Variants in ITPK1 observed in about 807,000 individuals in gnomAD.
ITPK1 encodes inositol 1,3,4-trisphosphate 5/6-kinase.
Under a neutral mutation model 45.3 loss-of-function variants are expected in ITPK1, and 21 were observed. The ratio of observed to expected loss-of-function variants is 0.46; its 90% confidence interval spans 0.33 to 0.67. The LOEUF is 0.67. ITPK1 is among the 30% of genes least tolerant of loss of function. ITPK1 has a pLI of 0.02. For missense variants in ITPK1, 474 were observed against 573.5 expected (o/e 0.83, Z 1.77); for synonymous variants, 258 against 253.6 (o/e 1.02, Z -0.16).
rs565529582 is a variant in ITPK1 at position 93,048,677 on chromosome 14, G to A, written c.120+27918C>T. Among the ~76,000 whole-genome samples, 8 of 152,318 alleles carry A rather than the reference G, an allele frequency of 5.3e-5. No homozygotes were observed. In the East Asian group the frequency reaches 5.8e-4, roughly 11 times the overall value. ...GAAACACTCTTTCCCAGCTGGGCGC[G>A]GTGGCTCACGCCTGTAATCCCAGCA... On this transcript the variant is annotated intron_variant, in intron 3 of 10. Transcript: ENST00000267615.
At chr14:93,088,411 C>T (rs1267004767) in intron 2 of ITPK1, among the ~76,000 whole-genome samples, 1 of 146,808 alleles carries the variant, frequency 6.8e-6, no homozygotes, top group Non-Finnish European at 1.5e-5. Context: ...ACGATTTCGG[C>T]TCATTGCAGC....
Position 92,941,864 on chromosome 14 carries a change from G to A in ITPK1, c.942C>T (p.Asn314=). ...GVSEFFTDLL[N]HIATVLQGQS... is the part of the protein sequence containing the mutation. ...GGCCCTGCAGGACAGTGGCGATGTG[G>A]TTCAGGAGGTCTGTGAAGAACTCGC... is the stretch of plus-strand genomic sequence containing the variant. The change falls in exon 11 of 11, where the codon AAC becomes AAT. Residue 314 remains asparagine, a synonymous_variant. Coordinates refer to ENST00000267615, the MANE Select transcript of ITPK1 (RefSeq NM_014216.6). 9 of 1,612,726 alleles carry A rather than the reference G, an allele frequency of 5.6e-6. No individual in the cohort carries two copies. The highest frequency in any genetic ancestry group is 7.6e-6 in the Non-Finnish European group (9 of 1,179,960).
At chr14:93,026,017 T>C (rs1423002049) in intron 3 of ITPK1, among the ~76,000 whole-genome samples, 1 of 152,100 alleles carries the variant, frequency 6.6e-6, no homozygotes, top group Non-Finnish European at 1.5e-5. Context: ...ACGCCTGTCA[T>C]CCCAGCTACT....
intron 3 of ITPK1, among the ~76,000 whole-genome samples, chr14:93,024,832 C>T (rs930578905): frequency 1.3e-5 from 2 of 152,154 alleles, no homozygotes; most frequent in Non-Finnish European, 2.9e-5. Context: ...CCTGTGGCTC[C>T]GGGACACAGG....
chr14:93,087,400 G>A (rs545330809), intron 2 of ITPK1, among the ~76,000 whole-genome samples: 2 of 152,226 alleles, frequency 1.3e-5, no homozygotes, highest in Non-Finnish European at 2.9e-5. Flanking sequence ...TATAATCCCA[G>A]CTACTTGGGA....
intron 5 of ITPK1, among the ~76,000 whole-genome samples, chr14:92,980,315 G>A (rs1039044447): frequency 6.6e-6 from 1 of 152,172 alleles, no homozygotes; most frequent in African/African-American, 2.4e-5. Context: ...TGAGGCAGCC[G>A]AGTGAACTCC....
At chr14:93,004,003 G>A (rs942675027) in intron 4 of ITPK1, among the ~76,000 whole-genome samples, 1 of 152,158 alleles carries the variant, frequency 6.6e-6, no homozygotes, top group Non-Finnish European at 1.5e-5. Flanking sequence ...GTGATGTGAC[G>A]AACAAACCAA....
In ITPK1 at chr14:92,973,014, C is replaced by T. The variant is rs111921285; in HGVS notation, c.365-10165G>A. ...GCCTCACTTGGCAACACCTGCTCTT[C>T]CAAGCATCACAGAATCCCAGCTGTT... On this transcript the variant is annotated intron_variant, in intron 5 of 10. Transcript: ENST00000267615. 2.1e-3 allele frequency among the ~76,000 whole-genome samples: 314 copies of T among 152,328 alleles called. 1 individual carries two copies. The highest frequency in any genetic ancestry group is 7.0e-3 in the African/African-American group (291 of 41,574).
intron 3 of ITPK1, among the ~76,000 whole-genome samples, chr14:93,057,580 C>T (rs1255851180): frequency 6.6e-6 from 1 of 152,174 alleles, no homozygotes; most frequent in African/African-American, 2.4e-5. Flanking sequence ...TTTTCTAGCC[C>T]CGTTTTCTGA....
At chr14:93,043,709 G>C (rs1889660923) in intron 3 of ITPK1, among the ~76,000 whole-genome samples, 1 of 152,214 alleles carries the variant, frequency 6.6e-6, no homozygotes, top group Non-Finnish European at 1.5e-5. Context: ...CCCAAGGCTG[G>C]GGGTGGTGTC....
rs111390059 is a variant in ITPK1, at chr14:93,007,110, A to G, written c.246+9566T>C. ...CATCTGGCCCACTGTCACAGCTACC[A>G]GCTGAACAACAGGAGGGCAAGAAAG... On this transcript the variant is annotated intron_variant, in intron 4 of 10. Transcript: ENST00000267615. Among the ~76,000 whole-genome samples the G allele has an allele frequency of 3.3e-3, 504 of 152,322 alleles. 3 individuals are homozygous for G. The highest frequency in any genetic ancestry group is 0.012 in the African/African-American group (481 of 41,572).
chr14:93,052,649 A>G (rs980023466), intron 3 of ITPK1, among the ~76,000 whole-genome samples: 4 of 152,080 alleles, frequency 2.6e-5, no homozygotes, highest in Admixed American at 1.3e-4. Flanking sequence ...TTCGCCCCCA[A>G]GCCTCACCGG....
At chr14:93,025,741 G>T (rs1888703108) in intron 3 of ITPK1, among the ~76,000 whole-genome samples, 1 of 152,048 alleles carries the variant, frequency 6.6e-6, no homozygotes, top group Admixed American at 6.5e-5. Context: ...TTCATGATAA[G>T]CTTAATACCA....
At position 93,076,581 on chromosome 14, in the gene ITPK1, C is replaced by A. The variant is rs774045015; in HGVS notation, c.120+14G>T. The A allele has an allele frequency of 6.2e-7, 1 of 1,614,058 alleles. No individual in the cohort carries two copies. Among genetic ancestry groups the A allele is most frequent in the South Asian group, 1.1e-5 (1 of 91,080 alleles). On this transcript the variant is annotated intron_variant, in intron 3 of 10. Transcript: ENST00000267615. The surrounding 1 kb of genome is among the most constrained non-coding windows in gnomAD (Gnocchi z 4.3). ...CACTACCCAAAGAACCACGGGGACG[C>A]GGTCTGTACTCACCTGCACAACCTC...
chr14:93,064,192 A>C lies in ITPK1; in HGVS notation c.120+12403T>G, dbSNP rs1040258053. 3.3e-5 allele frequency among the ~76,000 whole-genome samples: 5 copies of C among 152,228 alleles called. No homozygotes were observed. The East Asian group carries it at 7.7e-4, about 23-fold the overall frequency. On this transcript the variant is annotated intron_variant, in intron 3 of 10. Transcript: ENST00000267615. ...CAGCTACTTGGGAGGCTGAGGCAGA[A>C]GAATGGCGTGAACGTGGGAGGCAGA... is the stretch of plus-strand genomic sequence containing the variant.
At chr14:93,040,153 G>A (rs1889499332) in intron 3 of ITPK1, among the ~76,000 whole-genome samples, 1 of 152,226 alleles carries the variant, frequency 6.6e-6, no homozygotes, top group Non-Finnish European at 1.5e-5. Flanking sequence ...CGTCTGGCAG[G>A]CTCTTTATGC....
At position 93,076,722 on chromosome 14, in the gene ITPK1, T is replaced by G. The variant is rs1891236856; in HGVS notation, c.96-103A>C. ...CTGAGGGCAGGACCATGAGAGGGTT[T>G]CAGGAGGGAGCCGGCAGCTGCGCCT... is the stretch of plus-strand genomic sequence containing the variant. On this transcript the variant is annotated intron_variant, in intron 2 of 10. Transcript: ENST00000267615. The surrounding 1 kb of genome is among the most constrained non-coding windows in gnomAD (Gnocchi z 4.3). 7.1e-7 allele frequency: 1 copy of G among 1,409,330 alleles called. No homozygotes were observed. The highest frequency in any genetic ancestry group is 1.4e-5 in the African/African-American group (1 of 70,654). 87.3% of individuals were successfully genotyped at this position (1,409,330 alleles called of 1,614,324 possible).
intron 5 of ITPK1, among the ~76,000 whole-genome samples, chr14:92,964,313 G>T (rs932413555): frequency 1.3e-5 from 2 of 151,520 alleles, no homozygotes; most frequent in African/African-American, 4.8e-5. Flanking sequence ...CCAGAAACAG[G>T]CCCCAAGGTC....
rs754703868 is a variant in ITPK1, at chr14:93,115,107, G to T, written c.57C>A (p.Ile19=). The T allele has an allele frequency of 5.0e-6, 8 of 1,602,476 alleles. No homozygotes were observed. The highest frequency in any genetic ancestry group is 6.8e-6 in the Non-Finnish European group (8 of 1,175,730). The change falls in exon 2 of 11, where the codon ATC becomes ATA. Residue 19 remains isoleucine (I), a synonymous_variant. Coordinates refer to ENST00000267615, the MANE Select transcript of ITPK1 (RefSeq NM_014216.6). ...RVGYWLSEKK[I]KKLNFQAFAE... ...CGAAGGCCTGGAAATTCAGCTTCTT[G>T]ATTTTCTTCTCGCTCAGCCAGTAGC...
Sources: gnomAD v4.1 joint callset for allele counts (sites outside exome capture counted in the v4.1 genomes callset) on GRCh38, gnomAD v4.1.1 for gene constraint, Gnocchi (gnomAD v3.1) non-coding constraint, MANE v1.5 for transcripts, NCBI Gene and HGNC (gene_info 2026-07-23, HGNC 2026-07-21) for gene names.